RFX3: variants seen among roughly 807,000 people sequenced by gnomAD.
RFX3 encodes transcription factor RFX3.
RFX3 carries 14 observed loss-of-function variants against 98.6 expected under a neutral mutation model. The observed-to-expected ratio is 0.14, with a 90% CI of 0.09 to 0.22. The LOEUF is 0.22. Among genes scored for constraint, RFX3 ranks in the 10% least tolerant of loss-of-function variants. The pLI, the probability that RFX3 is intolerant of heterozygous loss-of-function variation, is 1.00. For missense variants in RFX3, 639 were observed against 926.9 expected (o/e 0.69, Z 4.03); for synonymous variants, 383 against 328.4 (o/e 1.17, Z -1.80).
chr9:3,383,221 G>C (rs1839377000), intron 2 of RFX3, among the ~76,000 whole-genome samples: 1 of 151,978 alleles, frequency 6.6e-6, no homozygotes, highest in Non-Finnish European at 1.5e-5. Context: ...TTTAGGTAGG[G>C]CATAGGAGGT....
chr9:3,305,117 T>A (rs1392868367), intron 4 of RFX3, among the ~76,000 whole-genome samples: 1 of 151,982 alleles, frequency 6.6e-6, no homozygotes, highest in East Asian at 1.9e-4. Context: ...ATCGACTTAA[T>A]AGAGCCAGGA....
At chr9:3,431,714 GT>G in intron 1 of RFX3, among the ~76,000 whole-genome samples, 1 of 152,302 alleles carries the variant, frequency 6.6e-6, no homozygotes, top group South Asian at 2.1e-4. Context: ...GCAAAGGATG[GT>G]TTGGTAATTT....
At chr9:3,504,814 T>C (rs1364009487) in intron 1 of RFX3, among the ~76,000 whole-genome samples, 1 of 99,596 alleles carries the variant, frequency 1.0e-5, no homozygotes, top group Admixed American at 1.6e-4. Context: ...ATATAAAATA[T>C]ATATTATATA....
At chr9:3,423,607 G>A (rs1242021492) in intron 1 of RFX3, among the ~76,000 whole-genome samples, 1 of 151,828 alleles carries the variant, frequency 6.6e-6, no homozygotes, top group African/African-American at 2.4e-5. Context: ...ACAGAAAGTA[G>A]ATCAGCAGAT....
At chr9:3,514,045 A>G (rs1021437988) in intron 1 of RFX3, among the ~76,000 whole-genome samples, 4 of 152,140 alleles carry the variant, frequency 2.6e-5, no homozygotes, top group Admixed American at 2.6e-4. Context: ...TTTAACTACA[A>G]TTTAATTCAA....
At chr9:3,232,840 A>AG (rs1444050510) in intron 15 of RFX3, among the ~76,000 whole-genome samples, 1 of 139,138 alleles carries the variant, frequency 7.2e-6, no homozygotes, top group Non-Finnish European at 1.6e-5. Context: ...GAGGGGAGGG[A>AG]GGGGAAGGGA....
chr9:3,289,126 C>T (rs907736584), intron 6 of RFX3, among the ~76,000 whole-genome samples: 1 of 152,018 alleles, frequency 6.6e-6, no homozygotes, highest in African/African-American at 2.4e-5. Context: ...TTTCACAAGT[C>T]CATATATAGC....
chr9:3,345,191 T>C (rs1040183996), intron 3 of RFX3, among the ~76,000 whole-genome samples: 9 of 152,088 alleles, frequency 5.9e-5, no homozygotes, highest in African/African-American at 2.2e-4. Flanking sequence ...GGGAGTGACA[T>C]GTCTGTCTAT....
At position 3,223,372 on chromosome 9, in the gene RFX3, CAT is replaced by C. The variant is rs2130525358; in HGVS notation, c.*1668_*1669del. ...AGCAGACTCCTGCCCCATGGGCACTCATGTGTCCATGTGGACTCACCAGCACC... is the reference window on the plus strand; with the variant it reads ...AGCAGACTCCTGCCCCATGGGCACTCGTGTCCATGTGGACTCACCAGCACC... On this transcript the variant is annotated 3_prime_UTR_variant, in exon 17 of 17. Transcript: ENST00000617270. 1 of 152,298 alleles carries C rather than the reference CAT, an allele frequency of 6.6e-6. No individual in the cohort carries two copies. The highest frequency in any genetic ancestry group is 1.9e-4 in the East Asian group (1 of 5,176). 9.4% of individuals were successfully genotyped at this position (152,298 alleles called of 1,614,324 possible). A position where few individuals can be genotyped will look rare whatever the true frequency, so the allele number is the denominator to read the frequency against.
chr9:3,318,794 T>C (rs1830924928), intron 4 of RFX3, among the ~76,000 whole-genome samples: 1 of 152,188 alleles, frequency 6.6e-6, no homozygotes. Flanking sequence ...ATTCTTAACA[T>C]TTTCATAGCG....
At chr9:3,264,354 TG>T (rs1392074294) in intron 12 of RFX3, among the ~76,000 whole-genome samples, 3 of 152,166 alleles carry the variant, frequency 2.0e-5, no homozygotes, top group African/African-American at 7.2e-5. Flanking sequence ...AATCACTATA[TG>T]GGTATATAAG....
At chr9:3,234,903 G>A (rs181673063) in intron 15 of RFX3, among the ~76,000 whole-genome samples, 241 of 152,306 alleles carry the variant, frequency 1.6e-3, no homozygotes, top group Non-Finnish European at 2.8e-3. Context: ...TTCAAGAGAG[G>A]ACAGCTCATG....
intron 3 of RFX3, among the ~76,000 whole-genome samples, chr9:3,342,645 G>C (rs896091062): frequency 6.6e-6 from 1 of 151,698 alleles, no homozygotes; most frequent in African/African-American, 2.4e-5. Flanking sequence ...AAAAAGAGTG[G>C]GGGAAGAAAA....
chr9:3,524,864 CA>C (rs753287535), intron 1 of RFX3, among the ~76,000 whole-genome samples: 3,484 of 138,442 alleles, frequency 0.025, 131 homozygotes, highest in African/African-American at 0.078. Flanking sequence ...CACACACACA[CA>C]CACACACACA....
At chr9:3,346,100 G>C (rs917945513) in intron 3 of RFX3, among the ~76,000 whole-genome samples, 2 of 152,112 alleles carry the variant, frequency 1.3e-5, no homozygotes, top group African/African-American at 2.4e-5. Context: ...TTGCAAAGTA[G>C]CCAAGAAGCC....
intron 1 of RFX3, among the ~76,000 whole-genome samples, chr9:3,450,363 A>C (rs933483043): frequency 6.6e-6 from 1 of 152,038 alleles, no homozygotes; most frequent in Non-Finnish European, 1.5e-5. Context: ...AACTATCCTC[A>C]GAGGTCATGT....
chr9:3,256,143 T>C (rs1226109946), intron 14 of RFX3, among the ~76,000 whole-genome samples: 2 of 152,188 alleles, frequency 1.3e-5, no homozygotes, highest in African/African-American at 4.8e-5. Flanking sequence ...ATTTTGTTTT[T>C]GTATTTTTAG....
chr9:3,300,701 G>C (rs375229664), intron 5 of RFX3, among the ~76,000 whole-genome samples: 4 of 151,856 alleles, frequency 2.6e-5, no homozygotes, highest in African/African-American at 9.7e-5. Context: ...CTAATGTTAA[G>C]TTAGCAGAAG....
intron 2 of RFX3, among the ~76,000 whole-genome samples, chr9:3,369,995 ATTT>A (rs71324244): frequency 7.5e-6 from 1 of 132,632 alleles, no homozygotes; most frequent in East Asian, 2.1e-4. Context: ...CGCCCGGCTA[ATTT>A]TTTTTTTTTT....
Sources: gnomAD v4.1 joint callset for allele counts (sites outside exome capture counted in the v4.1 genomes callset) on GRCh38, gnomAD v4.1.1 for gene constraint, MANE v1.5 for transcripts, NCBI Gene and HGNC (gene_info 2026-07-23, HGNC 2026-07-21) for gene names.